The following CPPED1 variants were observed in gnomAD, a reference collection of about 807,000 sequenced individuals.
CPPED1 encodes serine/threonine-protein phosphatase CPPED1.
CPPED1 carries 28 observed loss-of-function variants against 28.0 expected under a neutral mutation model. The observed-to-expected ratio is 1.00, with a 90% CI of 0.74 to 1.37. The LOEUF (loss-of-function observed/expected upper bound fraction) is 1.37. Ranked by LOEUF, CPPED1 falls within the 40% of genes most tolerant of loss-of-function variation. The probability of loss-of-function intolerance (pLI) is 0.00; values close to 1 mark genes in which losing one functional copy is unlikely to be tolerated. For synonymous variants in CPPED1, 198 were observed against 180.2 expected, an observed-to-expected ratio of 1.10 and a Z score of -0.79; for missense variants, 504 against 416.5, an observed-to-expected ratio of 1.21 and a Z score of -1.83.
intron 2 of CPPED1, among the ~76,000 whole-genome samples, chr16:12,715,734 G>A (rs1159022188): frequency 6.6e-6 from 1 of 152,058 alleles, no homozygotes; most frequent in Non-Finnish European, 1.5e-5. Flanking sequence ...CTCCATGTTG[G>A]TCAGGCTGGT....
chr16:12,706,824 C>T (rs929074007), intron 2 of CPPED1, among the ~76,000 whole-genome samples: 1 of 152,158 alleles, frequency 6.6e-6, no homozygotes, highest in African/African-American at 2.4e-5. Flanking sequence ...CCAACTCCTG[C>T]TGCAGGGGTC....
intron 3 of CPPED1, among the ~76,000 whole-genome samples, chr16:12,695,940 A>G (rs916945817): frequency 2.0e-5 from 3 of 152,190 alleles, no homozygotes; most frequent in South Asian, 4.1e-4. Flanking sequence ...TAAAAAATAA[A>G]CAAAGGATCA....
chr16:12,691,810 T>G (rs2079964458), intron 3 of CPPED1, among the ~76,000 whole-genome samples: 1 of 46,218 alleles, frequency 2.2e-5, no homozygotes, highest in East Asian at 6.3e-4. Context: ...TGGGGACTGT[T>G]GTGGGGTGGG....
At chr16:12,762,991 G>A (rs11642759) in intron 2 of CPPED1, among the ~76,000 whole-genome samples, 1 of 152,106 alleles carries the variant, frequency 6.6e-6, no homozygotes, top group Non-Finnish European at 1.5e-5. Flanking sequence ...CACTTTGGGA[G>A]GCCAAGGTGG....
In CPPED1 at chr16:12,696,443, T is replaced by C. The variant is rs906629778; in HGVS notation, c.715+8181A>G. 3.4e-3 allele frequency among the ~76,000 whole-genome samples: 512 copies of C among 149,096 alleles called. 3 individuals are homozygous for C. The highest frequency in any genetic ancestry group is 0.012 in the African/African-American group (475 of 40,518). ...ACATGGTGCTAAGTGACTTTCTTTT[T>C]TTTTTTTTTTTTTTTGAGATGGAGT... On this transcript the variant is annotated intron_variant, in intron 3 of 3. Transcript: ENST00000381774.
chr16:12,713,532 A>G (rs1239604465), intron 2 of CPPED1, among the ~76,000 whole-genome samples: 6 of 152,080 alleles, frequency 3.9e-5, no homozygotes, highest in African/African-American at 1.4e-4. Context: ...CACCCAGCCA[A>G]TTTTTGTACT....
At position 12,687,401 on chromosome 16, in the gene CPPED1, T is replaced by C. The variant is rs566339620; in HGVS notation, c.715+17223A>G. On this transcript the variant is annotated intron_variant, in intron 3 of 3. Transcript: ENST00000381774. Reference sequence around the variant, plus strand: ...CCCACTGCACCAGAGGGTCTTAGCTTTACTTTTAAGCAATGTGCACCTTCT... The same window carrying C: ...CCCACTGCACCAGAGGGTCTTAGCTCTACTTTTAAGCAATGTGCACCTTCT... Among the ~76,000 whole-genome samples, 3 of 152,294 alleles carry C rather than the reference T, an allele frequency of 2.0e-5. No individual in the cohort carries two copies. In the South Asian group the frequency reaches 6.2e-4, roughly 32 times the overall value.
chr16:12,778,967 T>C (rs1033454639), intron 2 of CPPED1, among the ~76,000 whole-genome samples: 14 of 152,124 alleles, frequency 9.2e-5, no homozygotes, highest in Non-Finnish European at 1.9e-4. Flanking sequence ...GCGGGGCTGA[T>C]CATAAAAACT....
At chr16:12,731,241 C>A (rs1384921880) in intron 2 of CPPED1, among the ~76,000 whole-genome samples, 1 of 151,220 alleles carries the variant, frequency 6.6e-6, no homozygotes, top group Admixed American at 6.6e-5. Flanking sequence ...GCAAGCTCCA[C>A]CCCCCGGGTT....
At chr16:12,720,912 G>A (rs1371048741) in intron 2 of CPPED1, among the ~76,000 whole-genome samples, 1 of 152,182 alleles carries the variant, frequency 6.6e-6, no homozygotes, top group Non-Finnish European at 1.5e-5. Context: ...GTTTTGGCAT[G>A]GGGGACTAAA....
chr16:12,731,750 A>G (rs1484119868), intron 2 of CPPED1, among the ~76,000 whole-genome samples: 2 of 151,206 alleles, frequency 1.3e-5, no homozygotes, highest in African/African-American at 4.9e-5. Flanking sequence ...TTGCACTTTT[A>G]AATGGAAGCA....
chr16:12,792,197 C>T (rs984852052), intron 1 of CPPED1, among the ~76,000 whole-genome samples: 6 of 152,168 alleles, frequency 3.9e-5, no homozygotes, highest in African/African-American at 1.4e-4. Flanking sequence ...AAGTGATCCA[C>T]TTGCCTCAGC....
intron 3 of CPPED1, among the ~76,000 whole-genome samples, chr16:12,698,675 C>T (rs1192976333): frequency 6.6e-6 from 1 of 152,296 alleles, no homozygotes; most frequent in East Asian, 1.9e-4. Context: ...AAGTGATCCA[C>T]CCACCTCGGC....
intron 2 of CPPED1, among the ~76,000 whole-genome samples, chr16:12,764,934 C>T (rs2080430649): frequency 6.6e-6 from 1 of 152,216 alleles, no homozygotes; most frequent in South Asian, 2.1e-4. Flanking sequence ...AGTCAAACAA[C>T]TTGACCTCAC....
At chr16:12,676,225 T>C (rs1391765682) in intron 3 of CPPED1, among the ~76,000 whole-genome samples, 1 of 152,184 alleles carries the variant, frequency 6.6e-6, no homozygotes, top group Non-Finnish European at 1.5e-5. Context: ...AGGCTGCTTC[T>C]TCAGTTAGCT....
chr16:12,799,557 GTTCT>G (rs2080646760), intron 1 of CPPED1, among the ~76,000 whole-genome samples: 2 of 152,218 alleles, frequency 1.3e-5, no homozygotes, highest in African/African-American at 4.8e-5. Flanking sequence ...CGAAAAGCTA[GTTCT>G]TTAACTTTCT....
In CPPED1 at chr16:12,769,825, C is replaced by T. The variant is rs190765216; in HGVS notation, c.289+11360G>A. Among the ~76,000 whole-genome samples, 13 of 152,278 alleles carry T rather than the reference C, an allele frequency of 8.5e-5. No homozygotes were observed. The East Asian group carries it at 1.5e-3, about 18-fold the overall frequency. On this transcript the variant is annotated intron_variant, in intron 2 of 3. Coordinates refer to ENST00000381774, the MANE Select transcript of CPPED1 (RefSeq NM_018340.3). ...TCAACTATGGCATCACTCTCTTGCA[C>T]GCATAGAACTCCCTTTTTATGTTTC... is the stretch of plus-strand genomic sequence containing the variant.
chr16:12,730,236 A>G (rs1184860526), intron 2 of CPPED1, among the ~76,000 whole-genome samples: 1 of 152,110 alleles, frequency 6.6e-6, no homozygotes, highest in Admixed American at 6.6e-5. Context: ...TATGAGCCTC[A>G]AGCAATCCTC....
chr16:12,710,096 T>A (rs913194802), intron 2 of CPPED1, among the ~76,000 whole-genome samples: 6 of 151,820 alleles, frequency 4.0e-5, no homozygotes, highest in Non-Finnish European at 8.8e-5. Flanking sequence ...CCACAGAAAA[T>A]CCCAAATAAT....
Sources: gnomAD v4.1 joint callset for allele counts (sites outside exome capture counted in the v4.1 genomes callset) on GRCh38, gnomAD v4.1.1 for gene constraint, MANE v1.5 for transcripts, NCBI Gene and HGNC (gene_info 2026-07-23, HGNC 2026-07-21) for gene names.